The following ACCSL variants were observed in gnomAD, a reference collection of about 807,000 sequenced individuals.
ACCSL encodes 1-aminocyclopropane-1-carboxylate synthase homolog (inactive) like.
Under a neutral mutation model 61.7 loss-of-function variants are expected in ACCSL, and 55 were observed. The observed-to-expected ratio is 0.89, with a 90% CI of 0.72 to 1.12. The LOEUF (loss-of-function observed/expected upper bound fraction) is 1.12. Ranked by LOEUF, ACCSL falls within the 50% of genes most tolerant of loss-of-function variation. The pLI is 0.00. For synonymous variants in ACCSL, 258 were observed against 264.3 expected (o/e 0.98, Z 0.23); for missense variants, 632 against 698.0 (o/e 0.91, Z 1.07).
chr11:43,936,988 C>G, the ACCSL span, among the ~76,000 whole-genome samples: 1 of 152,136 alleles, frequency 6.6e-6, no homozygotes, highest in East Asian at 1.9e-4. Flanking sequence ...AGCACGCACC[C>G]TCTTTCTTAT....
chr11:43,942,977 C>G, the ACCSL span: 2 of 1,500,382 alleles, frequency 1.3e-6, no homozygotes, highest in Non-Finnish European at 1.8e-6. Context: ...CTTCGTGTGC[C>G]TGGCCGACGA....
chr11:44,051,761 G>C, intron 5 of ACCSL, 42 bp downstream of exon 5: 1 of 1,609,132 alleles, frequency 6.2e-7, no homozygotes, highest in Non-Finnish European at 8.5e-7. Context: ...TGAAATACTA[G>C]CAACACAGGT....
chr11:43,962,423 C>T, the ACCSL span, among the ~76,000 whole-genome samples: 1 of 151,984 alleles, frequency 6.6e-6, no homozygotes, highest in Non-Finnish European at 1.5e-5. Flanking sequence ...AAAGAGATGA[C>T]GTTCGCAAGG....
At chr11:43,953,780 A>T in the ACCSL span, among the ~76,000 whole-genome samples, 1 of 152,158 alleles carries the variant, frequency 6.6e-6, no homozygotes, top group East Asian at 1.9e-4. Flanking sequence ...CAGAAAATTG[A>T]TGACTAATTC....
In ACCSL at chr11:44,052,655, T is replaced by C; in HGVS notation, c.773-7T>C. 1.9e-6 allele frequency: 3 copies of C among 1,613,062 alleles called. No individual in the cohort carries two copies. The highest frequency in any genetic ancestry group is 2.5e-6 in the Non-Finnish European group (3 of 1,178,994). The stretch of plus-strand genomic sequence containing the variant: ...GGACTGATAGCTCTGTCTCTCTGTG[T>C]TTCCAGAGGCCTTCCTGGTCCCTGC... On this transcript the variant is annotated splice_polypyrimidine_tract_variant and splice_region_variant and intron_variant, in intron 5 of 13. Transcript: ENST00000378832.
At chr11:43,933,310 G>T in the ACCSL span, 3 of 382,130 alleles carry the variant, frequency 7.9e-6, no homozygotes, top group Non-Finnish European at 1.6e-5. Flanking sequence ...AGGGAGTAAT[G>T]TCAGATGGAC....
chr11:43,948,727 G>T, the ACCSL span, among the ~76,000 whole-genome samples: 1 of 152,138 alleles, frequency 6.6e-6, no homozygotes, highest in Non-Finnish European at 1.5e-5. Context: ...TCCCACCTCA[G>T]CCTCCCAAAG....
chr11:43,931,555 G>A, the ACCSL span, among the ~76,000 whole-genome samples: 8 of 152,162 alleles, frequency 5.3e-5, no homozygotes, highest in South Asian at 6.2e-4. Flanking sequence ...GCATCCCAGT[G>A]CCACTTCTGC....
At chr11:43,938,691 T>TA in the ACCSL span, among the ~76,000 whole-genome samples, 1 of 151,906 alleles carries the variant, frequency 6.6e-6, no homozygotes, top group African/African-American at 2.4e-5. Context: ...TAATCCCAGC[T>TA]ACTCGGGAGG....
At chr11:44,020,090 A>C in the ACCSL span, among the ~76,000 whole-genome samples, 4 of 152,194 alleles carry the variant, frequency 2.6e-5, no homozygotes, top group African/African-American at 9.6e-5. Context: ...CTGGACTTTC[A>C]ATTTTATTCC....
the ACCSL span, among the ~76,000 whole-genome samples, chr11:43,940,141 G>GTTA: frequency 6.6e-6 from 1 of 151,758 alleles, no homozygotes; most frequent in African/African-American, 2.4e-5. Context: ...TATTATTATT[G>GTTA]TTATTATTAT....
chr11:44,057,579 G>A (rs1429218066), intron 11 of ACCSL, among the ~76,000 whole-genome samples: 1 of 152,218 alleles, frequency 6.6e-6, no homozygotes, highest in Non-Finnish European at 1.5e-5. Context: ...AAGTGGTTCT[G>A]TTCTATGAAT....
At chr11:43,936,184 TCTG>T in the ACCSL span, among the ~76,000 whole-genome samples, 1 of 152,188 alleles carries the variant, frequency 6.6e-6, no homozygotes, top group African/African-American at 2.4e-5. Context: ...CTGGTTCACT[TCTG>T]CTGTGTGGAA....
the ACCSL span, among the ~76,000 whole-genome samples, chr11:44,026,068 A>G: frequency 6.6e-6 from 1 of 152,146 alleles, no homozygotes; most frequent in East Asian, 1.9e-4. Context: ...GGGTGTGCAG[A>G]TTAATATTTT....
the ACCSL span, among the ~76,000 whole-genome samples, chr11:43,963,437 C>T: frequency 6.6e-6 from 1 of 152,224 alleles, no homozygotes; most frequent in Non-Finnish European, 1.5e-5. Flanking sequence ...TGCCAGCTCA[C>T]AATCTCTTCT....
At chr11:44,032,043 A>T in the ACCSL span, among the ~76,000 whole-genome samples, 1 of 152,148 alleles carries the variant, frequency 6.6e-6, no homozygotes, top group East Asian at 1.9e-4. Flanking sequence ...TTTTATTTCA[A>T]ATTTCTATTG....
chr11:44,007,362 C>G, the ACCSL span, among the ~76,000 whole-genome samples: 238 of 152,318 alleles, frequency 1.6e-3, no homozygotes, highest in African/African-American at 5.5e-3. Flanking sequence ...AAAGAAGCCC[C>G]AAGGCCCGAG....
the ACCSL span, among the ~76,000 whole-genome samples, chr11:43,936,428 C>T: frequency 2.0e-5 from 3 of 152,106 alleles, no homozygotes; most frequent in Admixed American, 6.6e-5. Context: ...TACAACATGC[C>T]GGGTACTGTG....
Position 44,048,364 on chromosome 11 carries a change from A to C in ACCSL, c.328A>C (p.Arg110=), listed in dbSNP as rs911753915. ...TAGGGGTGATGTCAGATATGGGCAG[A>C]GGGCCCAACTCTCTGGGCAGCCTGA... ...DSRGDVRYGQ[R]AQLSGQPDPV... is the part of the protein sequence containing the mutation. Residue 110 remains arginine (R), a synonymous_variant, in exon 1 of 14, where the codon AGG becomes CGG. Coordinates refer to ENST00000378832, the MANE Select transcript of ACCSL (RefSeq NM_001031854.2). The C allele has an allele frequency of 1.1e-5, 17 of 1,614,082 alleles. No individual in the cohort carries two copies. The highest frequency in any genetic ancestry group is 1.7e-5 in the Admixed American group (1 of 60,024).
Sources: gnomAD v4.1 joint callset for allele counts (sites outside exome capture counted in the v4.1 genomes callset) on GRCh38, gnomAD v4.1.1 for gene constraint, MANE v1.5 for transcripts, NCBI Gene and HGNC (gene_info 2026-07-23, HGNC 2026-07-21) for gene names.